The following LDLRAP1 variants were observed in gnomAD, a reference collection of about 807,000 sequenced individuals.
LDLRAP1 encodes the protein low density lipoprotein receptor adaptor protein 1.
In LDLRAP1, 30 loss-of-function variants were observed where a neutral mutation model predicts 37.8. That is an observed-to-expected ratio of 0.79 (90% CI 0.59 to 1.08). The LOEUF (loss-of-function observed/expected upper bound fraction) is 1.08, where lower values mean the gene tolerates loss of function less well. Among genes scored for constraint, LDLRAP1 ranks in the 50% least tolerant of loss-of-function variants. LDLRAP1 has a pLI of 0.00. For synonymous variants in LDLRAP1, 156 were observed against 169.8 expected, an observed-to-expected ratio of 0.92 and a Z score of 0.63; for missense variants, 375 against 401.6, an observed-to-expected ratio of 0.93 and a Z score of 0.57.
intron 1 of LDLRAP1, among the ~76,000 whole-genome samples, chr1:25,549,510 GTAATTTA>G (rs1430823833): frequency 6.6e-6 from 1 of 152,268 alleles, no homozygotes; most frequent in Admixed American, 6.5e-5. Flanking sequence ...GTTCACAGCT[GTAATTTA>G]GACCTTAGAC....
At chr1:25,552,448 C>T (rs1256021195) in intron 1 of LDLRAP1, among the ~76,000 whole-genome samples, 1 of 152,182 alleles carries the variant, frequency 6.6e-6, no homozygotes, top group African/African-American at 2.4e-5. Flanking sequence ...CTCTCGTGGC[C>T]CCTGGAAGCT....
the LDLRAP1 span, among the ~76,000 whole-genome samples, chr1:25,582,461 T>C: frequency 2.0e-5 from 3 of 151,888 alleles, no homozygotes; most frequent in Non-Finnish European, 4.4e-5. Context: ...GGCATGCACC[T>C]GTAGTCCCAG....
intron 8 of LDLRAP1, among the ~76,000 whole-genome samples, chr1:25,566,057 C>T (rs1004231285): frequency 6.6e-6 from 1 of 152,216 alleles, no homozygotes; most frequent in Non-Finnish European, 1.5e-5. Flanking sequence ...GCCTCACTGG[C>T]TGACGACACC....
downstream of LDLRAP1, among the ~76,000 whole-genome samples, chr1:25,571,594 C>T (rs1214718888): frequency 1.3e-5 from 2 of 152,202 alleles, no homozygotes; most frequent in Non-Finnish European, 1.5e-5. Flanking sequence ...AGGCCTGTGG[C>T]GGTTACATGA....
At chr1:25,582,362 A>T in the LDLRAP1 span, among the ~76,000 whole-genome samples, 1 of 151,912 alleles carries the variant, frequency 6.6e-6, no homozygotes, top group East Asian at 2.0e-4. Flanking sequence ...CAAGGCGGGC[A>T]GATCACTAGA....
intron 7 of LDLRAP1, chr1:25,564,020 T>TGCTTGGCC: frequency 3.3e-6 from 2 of 603,700 alleles, no homozygotes; most frequent in Non-Finnish European, 5.9e-6. Context: ...CTCCTCACAA[T>TGCTTGGCC]GCTTGGCCTC....
At chr1:25,552,947 G>A (rs918709782) in intron 1 of LDLRAP1, among the ~76,000 whole-genome samples, 3 of 152,216 alleles carry the variant, frequency 2.0e-5, no homozygotes, top group African/African-American at 7.2e-5. Context: ...GTCCCAAAGA[G>A]GAGAGGGGAC....
chr1:25,574,229 G>A, the LDLRAP1 span, among the ~76,000 whole-genome samples: 1 of 152,200 alleles, frequency 6.6e-6, no homozygotes, highest in African/African-American at 2.4e-5. Flanking sequence ...AGGTGGACTG[G>A]GAAATGGGCT....
chr1:25,586,921 A>G, the LDLRAP1 span, among the ~76,000 whole-genome samples: 2 of 152,128 alleles, frequency 1.3e-5, no homozygotes, highest in Non-Finnish European at 2.9e-5. This position sits in a 1 kb window ranked among gnomAD's most constrained non-coding sequence, Gnocchi z 4.3. Context: ...ATGCTTAGCC[A>G]TGATCATAGT....
chr1:25,589,304 A>AAGAAAGAAAGAAAG, the LDLRAP1 span, among the ~76,000 whole-genome samples: 12 of 148,924 alleles, frequency 8.1e-5, no homozygotes, highest in African/African-American at 2.5e-4. Context: ...ACTCCATCTC[A>AAGAAAGAAAGAAAG]AAAGAAAGAA....
At position 25,567,973 on chromosome 1, in the gene LDLRAP1, G is replaced by A. The variant is rs2044529267; in HGVS notation, c.*981G>A. 1 of 2,542 alleles carries A rather than the reference G, an allele frequency of 3.9e-4. No homozygotes were observed. Among genetic ancestry groups the A allele is most frequent in the Non-Finnish European group, 0.011 (1 of 92 alleles). 0.2% of individuals were successfully genotyped at this position (2,542 alleles called of 1,614,324 possible). ...ATTCTATGACCACTTTACAGATGAGGAAACAGGCCTCAAGCGTGGAGGGGT... is the reference window on the plus strand; with the variant it reads ...ATTCTATGACCACTTTACAGATGAGAAAACAGGCCTCAAGCGTGGAGGGGT... On this transcript the variant is annotated 3_prime_UTR_variant, in exon 9 of 9. Transcript: ENST00000374338.
the LDLRAP1 span, among the ~76,000 whole-genome samples, chr1:25,584,394 G>A: frequency 6.6e-6 from 1 of 152,076 alleles, no homozygotes; most frequent in Admixed American, 6.5e-5. Context: ...CAAATGGCAG[G>A]CATGTGGACT....
Position 25,567,303 on chromosome 1 carries a change from C to G in LDLRAP1, c.*311C>G, listed in dbSNP as rs1035384143. On this transcript the variant is annotated 3_prime_UTR_variant, in exon 9 of 9. Coordinates refer to ENST00000374338, the MANE Select transcript of LDLRAP1 (RefSeq NM_015627.3). The stretch of plus-strand genomic sequence containing the variant: ...GTGCTGTAATCGGCTCCCGCTTGCT[C>G]TCCTGGAGCAAGCTCTGCCCTGGCT... 1 of 434,916 alleles carries G rather than the reference C, an allele frequency of 2.3e-6. No homozygotes were observed. Among genetic ancestry groups the G allele is most frequent in the South Asian group, 2.1e-5 (1 of 48,188 alleles). The allele number at this position is 434,916 out of a possible 1,614,324, so 26.9% of individuals were successfully genotyped here.
the LDLRAP1 span, among the ~76,000 whole-genome samples, chr1:25,579,759 CCACAGGCCATAATTTAAT>C: frequency 2.0e-5 from 3 of 152,316 alleles, no homozygotes; most frequent in South Asian, 6.2e-4. Context: ...TCCCAGATGG[CCACAGGCCATAATTTAAT>C]TAATTAATAT....
At chr1:25,569,779 A>G (rs1328710569), downstream of LDLRAP1, among the ~76,000 whole-genome samples, 1 of 152,218 alleles carries the variant, frequency 6.6e-6, no homozygotes, top group East Asian at 1.9e-4. Flanking sequence ...GGCAGATGGC[A>G]TTAGCTCCCG....
chr1:25,581,998 G>A, the LDLRAP1 span, among the ~76,000 whole-genome samples: 5 of 152,188 alleles, frequency 3.3e-5, no homozygotes, highest in African/African-American at 4.8e-5. Flanking sequence ...AGCTGGGGGA[G>A]GGGCTTGGTG....
At chr1:25,572,090 G>C (rs1219044940), downstream of LDLRAP1, among the ~76,000 whole-genome samples, 2 of 152,340 alleles carry the variant, frequency 1.3e-5, no homozygotes, top group East Asian at 3.9e-4. Context: ...ATTCCTGCTG[G>C]GCATCAAAGG....
chr1:25,547,830 T>C (rs1170374478), intron 1 of LDLRAP1, among the ~76,000 whole-genome samples: 1 of 152,120 alleles, frequency 6.6e-6, no homozygotes, highest in African/African-American at 2.4e-5. Flanking sequence ...TACACACCGG[T>C]GAATCCCAGG....
downstream of LDLRAP1, among the ~76,000 whole-genome samples, chr1:25,573,711 C>G (rs1280372230): frequency 2.0e-5 from 3 of 152,190 alleles, no homozygotes; most frequent in Non-Finnish European, 4.4e-5. Flanking sequence ...TTACGTAATC[C>G]TTAGGACAGC....
Sources: allele counts gnomAD v4.1 joint callset (sites outside exome capture counted in the v4.1 genomes callset), GRCh38; gene constraint gnomAD v4.1.1; non-coding constraint Gnocchi (gnomAD v3.1); transcripts MANE v1.5; gene names NCBI Gene and HGNC (gene_info 2026-07-23, HGNC 2026-07-21).